CSMD1: variants seen among roughly 807,000 people sequenced by gnomAD.
CSMD1 encodes the protein CUB and sushi domain-containing protein 1.
CSMD1 carries 213 observed loss-of-function variants against 417.5 expected under a neutral mutation model. The ratio of observed to expected loss-of-function variants is 0.51; its 90% CI spans 0.46 to 0.57. CSMD1 has a LOEUF of 0.57. CSMD1 is among the 20% of genes least tolerant of loss of function. The probability of loss-of-function intolerance (pLI) is 0.00; values close to 1 mark genes in which losing one functional copy is unlikely to be tolerated. For missense variants in CSMD1, 6,923 were observed against 4,529.7 expected (o/e 1.53, Z -15.17); for synonymous variants, 2,862 against 1,736.8 (o/e 1.65, Z -16.11).
intron 3 of CSMD1, among the ~76,000 whole-genome samples, chr8:4,060,443 T>C (rs2130735367): frequency 6.6e-6 from 1 of 152,214 alleles, no homozygotes; most frequent in African/African-American, 2.4e-5. Flanking sequence ...GTTCTGGCCA[T>C]ATTGGTGAAT....
Position 4,570,186 on chromosome 8 carries a change from G to A in CSMD1, c.302+67156C>T, listed in dbSNP as rs139167449. ...ATTTCCAACACTACGTTGAATAGCA[G>A]TGGTGAGAGAGGGCATCCTTGTCTT... On this transcript the variant is annotated intron_variant, in intron 2 of 69. Transcript: ENST00000635120. 3.9e-3 allele frequency among the ~76,000 whole-genome samples: 599 copies of A among 152,284 alleles called. 4 individuals carry two copies. Among genetic ancestry groups the A allele is most frequent in the African/African-American group, 0.014 (577 of 41,550 alleles).
At chr8:3,219,937 A>T (rs948202215) in intron 28 of CSMD1, among the ~76,000 whole-genome samples, 1 of 152,140 alleles carries the variant, frequency 6.6e-6, no homozygotes, top group Non-Finnish European at 1.5e-5. Flanking sequence ...TACTTAAAAA[A>T]TGCAGTTCTC....
chr8:4,917,448 C>A (rs1267159179), intron 1 of CSMD1, among the ~76,000 whole-genome samples: 1 of 152,092 alleles, frequency 6.6e-6, no homozygotes, highest in African/African-American at 2.4e-5. Flanking sequence ...CCCTGGCTAA[C>A]ACGGTGAAAC....
chr8:4,967,603 C>G (rs532897433), intron 1 of CSMD1, among the ~76,000 whole-genome samples: 3 of 152,250 alleles, frequency 2.0e-5, no homozygotes, highest in African/African-American at 7.2e-5. Context: ...AGAGTTGTAA[C>G]AGTACCTATA....
At chr8:4,342,089 A>G (rs1321319732) in intron 3 of CSMD1, among the ~76,000 whole-genome samples, 2 of 152,086 alleles carry the variant, frequency 1.3e-5, no homozygotes, top group Non-Finnish European at 1.5e-5. Flanking sequence ...AGCGCAAGCC[A>G]TCTCTATGTT....
chr8:3,830,296 G>C (rs1397221709), intron 5 of CSMD1, among the ~76,000 whole-genome samples: 3 of 152,172 alleles, frequency 2.0e-5, no homozygotes, highest in East Asian at 1.9e-4. Context: ...TCTGGCTCTG[G>C]GGCAAACTAA....
chr8:4,411,987 A>G (rs1055299271), intron 3 of CSMD1, among the ~76,000 whole-genome samples: 1 of 97,052 alleles, frequency 1.0e-5, no homozygotes, highest in African/African-American at 3.6e-5. Context: ...AACATAGCTA[A>G]GGGTGTGTGT....
chr8:4,422,762 A>T (rs1202901346), intron 2 of CSMD1, among the ~76,000 whole-genome samples: 1 of 152,168 alleles, frequency 6.6e-6, no homozygotes, highest in Non-Finnish European at 1.5e-5. Context: ...TCTCTCATGC[A>T]TATAGATGCA....
chr8:4,879,685 G>A (rs1017165049), intron 1 of CSMD1, among the ~76,000 whole-genome samples: 7 of 151,838 alleles, frequency 4.6e-5, no homozygotes, highest in African/African-American at 1.5e-4. Flanking sequence ...CAGGAGAATC[G>A]GGAGAGGTGG....
At chr8:3,455,658 A>G (rs1293261695) in intron 12 of CSMD1, among the ~76,000 whole-genome samples, 1 of 152,138 alleles carries the variant, frequency 6.6e-6, no homozygotes, top group Non-Finnish European at 1.5e-5. Flanking sequence ...CTGCTGCCTG[A>G]TCCTTCCTCT....
chr8:4,651,648 G>C (rs962869868), intron 1 of CSMD1, among the ~76,000 whole-genome samples: 1 of 152,098 alleles, frequency 6.6e-6, no homozygotes, highest in Non-Finnish European at 1.5e-5. Flanking sequence ...CATCTTCTGG[G>C]ATAATTCTCT....
intron 5 of CSMD1, among the ~76,000 whole-genome samples, chr8:3,921,934 C>T (rs566495526): frequency 6.6e-6 from 1 of 152,182 alleles, no homozygotes; most frequent in South Asian, 2.1e-4. Context: ...ACATTGCTTT[C>T]TTATTGATTT....
At chr8:3,584,146 G>A (rs1375116606) in intron 9 of CSMD1, among the ~76,000 whole-genome samples, 2 of 151,922 alleles carry the variant, frequency 1.3e-5, no homozygotes, top group African/African-American at 4.8e-5. Flanking sequence ...AACTTAATAA[G>A]AACTAATAAG....
rs543621274 is a variant in CSMD1 at position 4,312,615 on chromosome 8, G to A, written c.415+107338C>T. ...TTGTTGGCCAGGCACAGTGTCTCAC[G>A]CCTGTAATCCCAACACTTTGGGAGG... On this transcript the variant is annotated intron_variant, in intron 3 of 69. Coordinates refer to ENST00000635120, the MANE Select transcript of CSMD1 (RefSeq NM_033225.6). Among the ~76,000 whole-genome samples the A allele has an allele frequency of 4.1e-5, 6 of 146,592 alleles. No homozygotes were observed. In the South Asian group the frequency reaches 6.3e-4, roughly 15 times the overall value.
chr8:4,158,104 C>A (rs1436756418), intron 3 of CSMD1, among the ~76,000 whole-genome samples: 2 of 117,290 alleles, frequency 1.7e-5, no homozygotes, highest in African/African-American at 6.6e-5. Context: ...TTTTTTTTTT[C>A]TGTTTGAGCT....
chr8:3,959,530 C>T (rs531170196), intron 5 of CSMD1, among the ~76,000 whole-genome samples: 8 of 152,154 alleles, frequency 5.3e-5, no homozygotes, highest in South Asian at 2.1e-4. Flanking sequence ...AACCAACGAA[C>T]GAAAGAAAGA....
chr8:3,994,893 T>C (rs1302667097), intron 5 of CSMD1, among the ~76,000 whole-genome samples: 1 of 152,156 alleles, frequency 6.6e-6, no homozygotes, highest in Non-Finnish European at 1.5e-5. Context: ...TTATATGCCC[T>C]TTTTTAAAAA....
rs1180949898 is a variant in CSMD1 at position 3,408,724 on chromosome 8, A to G, written c.1745-499T>C. On this transcript the variant is annotated intron_variant, in intron 13 of 69. Transcript: ENST00000635120. ...TAAATAAATAACTTGGAAACATCAG[A>G]TCATGTTCTAGTTGGATAATATAAA... Among the ~76,000 whole-genome samples the G allele has an allele frequency of 3.9e-5, 6 of 152,202 alleles. No homozygotes were observed. The South Asian group carries it at 1.2e-3, about 32-fold the overall frequency.
At chr8:4,754,059 T>C (rs1811513833) in intron 1 of CSMD1, among the ~76,000 whole-genome samples, 1 of 152,088 alleles carries the variant, frequency 6.6e-6, no homozygotes, top group Admixed American at 6.5e-5. Flanking sequence ...AAAGGAAAAA[T>C]GTATGCGTTG....
Sources: allele counts gnomAD v4.1 joint callset (sites outside exome capture counted in the v4.1 genomes callset), GRCh38; gene constraint gnomAD v4.1.1; transcripts MANE v1.5; gene names NCBI Gene and HGNC (gene_info 2026-07-23, HGNC 2026-07-21).